Variants in ANKS1B observed in about 807,000 individuals in gnomAD.
ANKS1B encodes ankyrin repeat and sterile alpha motif domain containing 1B, also known as ankyrin repeat and sterile alpha motif domain-containing protein 1B.
In ANKS1B, 36 loss-of-function variants were observed where a neutral mutation model predicts 148.3. The observed-to-expected ratio is 0.24, with a 90% confidence interval of 0.19 to 0.32. The LOEUF (loss-of-function observed/expected upper bound fraction) is 0.32, where lower values mean the gene tolerates loss of function less well. Ranked by LOEUF, ANKS1B falls within the 10% of genes least tolerant of loss-of-function variation. ANKS1B has a pLI of 1.00. For synonymous variants in ANKS1B, 542 were observed against 560.8 expected (o/e 0.97, Z 0.47); for missense variants, 1,157 against 1,542.6 (o/e 0.75, Z 4.19).
intron 14 of ANKS1B, among the ~76,000 whole-genome samples, chr12:99,217,163 G>C (rs186011530): frequency 6.6e-6 from 1 of 151,938 alleles, no homozygotes; most frequent in Non-Finnish European, 1.5e-5. Context: ...TATTATTTTG[G>C]GCCTCTCTGT....
chr12:98,898,033 C>G (rs2099767244), intron 17 of ANKS1B, among the ~76,000 whole-genome samples: 1 of 152,070 alleles, frequency 6.6e-6, no homozygotes, highest in Non-Finnish European at 1.5e-5. Flanking sequence ...CAGAGGGAAA[C>G]AGTAGACACT....
intron 9 of ANKS1B, among the ~76,000 whole-genome samples, chr12:99,573,891 G>A (rs551614864): frequency 9.6e-4 from 145 of 151,354 alleles, no homozygotes; most frequent in Non-Finnish European, 1.2e-3. Context: ...TCAGGACTTC[G>A]CTACTCAAAA....
chr12:99,205,830 T>A (rs2082604679), intron 14 of ANKS1B, among the ~76,000 whole-genome samples: 1 of 151,974 alleles, frequency 6.6e-6, no homozygotes, highest in South Asian at 2.1e-4. Context: ...CTGCAGGGAG[T>A]CAGAACTCCA....
Position 99,776,224 on chromosome 12 carries a change from T to C in ANKS1B, c.848-563A>G, listed in dbSNP as rs376846123. ...TGCCATTATTCTTGAAGTAATGTCC[T>C]ATACTCAGCCTATTTTTCATTTTTC... On this transcript the variant is annotated intron_variant, in intron 6 of 26. Transcript: ENST00000683438. 8.6e-4 allele frequency among the ~76,000 whole-genome samples: 131 copies of C among 152,364 alleles called. 1 individual carries two copies. The highest frequency in any genetic ancestry group is 2.9e-3 in the African/African-American group (122 of 41,584).
chr12:99,064,708 A>C (rs551304371), intron 16 of ANKS1B, among the ~76,000 whole-genome samples: 5 of 152,338 alleles, frequency 3.3e-5, no homozygotes, highest in Admixed American at 1.3e-4. Flanking sequence ...CACTTGAGAA[A>C]TGCTATCTGC....
intron 17 of ANKS1B, among the ~76,000 whole-genome samples, chr12:98,868,363 G>A (rs545731902): frequency 5.9e-5 from 9 of 152,158 alleles, no homozygotes; most frequent in Non-Finnish European, 1.2e-4. Context: ...GCTGTCTGGA[G>A]GTGGAAGAAT....
rs1472455470 is a variant in ANKS1B at position 98,963,137 on chromosome 12, G to C, written c.2778+90020C>G. Among the ~76,000 whole-genome samples the C allele has an allele frequency of 3.3e-5, 5 of 151,428 alleles. 1 individual carries two copies. The highest frequency in any genetic ancestry group is 3.3e-4 in the Admixed American group (5 of 15,210). Reference sequence around the variant, plus strand: ...TTAAAATGGAGAAAACAATATGAAAGATCAATGAAACAAAAAGTTGGGTTT... The same window carrying C: ...TTAAAATGGAGAAAACAATATGAAACATCAATGAAACAAAAAGTTGGGTTT... On this transcript the variant is annotated intron_variant, in intron 17 of 26. Transcript: ENST00000683438.
chr12:98,837,161 C>T (rs1366558274), intron 17 of ANKS1B, among the ~76,000 whole-genome samples: 1 of 127,568 alleles, frequency 7.8e-6, no homozygotes, highest in Non-Finnish European at 1.7e-5. Flanking sequence ...GAAACCCCGT[C>T]TCTATTAAAA....
chr12:98,889,260 C>T (rs1455147150), intron 17 of ANKS1B, among the ~76,000 whole-genome samples: 1 of 152,048 alleles, frequency 6.6e-6, no homozygotes, highest in Non-Finnish European at 1.5e-5. Context: ...TTCAACTGAT[C>T]TAAATATGAA....
chr12:99,014,823 A>G (rs139091622), intron 17 of ANKS1B, among the ~76,000 whole-genome samples: 1 of 152,366 alleles, frequency 6.6e-6, no homozygotes, highest in East Asian at 1.9e-4. Context: ...ACAATAAGAT[A>G]CCATCTTACA....
At chr12:99,713,994 A>G (rs2153540430) in intron 8 of ANKS1B, among the ~76,000 whole-genome samples, 1 of 152,230 alleles carries the variant, frequency 6.6e-6, no homozygotes, top group South Asian at 2.1e-4. Context: ...CTTTTTCTGG[A>G]GGTTAGAAAT....
intron 22 of ANKS1B, among the ~76,000 whole-genome samples, chr12:98,784,551 T>A (rs2098771274): frequency 6.6e-6 from 1 of 152,024 alleles, no homozygotes; most frequent in African/African-American, 2.4e-5. Context: ...CAAGAAAAAA[T>A]TGTTGCTGAT....
intron 17 of ANKS1B, among the ~76,000 whole-genome samples, chr12:99,004,173 C>T (rs184868403): frequency 8.2e-4 from 125 of 152,294 alleles, no homozygotes; most frequent in Non-Finnish European, 1.1e-3. Flanking sequence ...GGAATGAACA[C>T]TAGGAACAAA....
At chr12:99,492,488 T>C (rs2096565069) in intron 10 of ANKS1B, among the ~76,000 whole-genome samples, 1 of 152,214 alleles carries the variant, frequency 6.6e-6, no homozygotes, top group Non-Finnish European at 1.5e-5. Flanking sequence ...GAAGAGCTGG[T>C]ACCATTTCTA....
At chr12:99,252,532 A>C (rs1216507127) in intron 12 of ANKS1B, among the ~76,000 whole-genome samples, 1 of 152,230 alleles carries the variant, frequency 6.6e-6, no homozygotes, top group African/African-American at 2.4e-5. Flanking sequence ...CATGGCCCCG[A>C]AACACAGAGG....
intron 15 of ANKS1B, among the ~76,000 whole-genome samples, chr12:99,143,515 T>C (rs1038454065): frequency 2.0e-5 from 3 of 152,120 alleles, no homozygotes; most frequent in African/African-American, 7.2e-5. Flanking sequence ...CTGAGTTTTC[T>C]TGTGGATAAA....
chr12:99,981,997 T>A (rs753456323), intron 1 of ANKS1B, among the ~76,000 whole-genome samples: 26 of 152,152 alleles, frequency 1.7e-4, no homozygotes, highest in Non-Finnish European at 3.1e-4. Flanking sequence ...TTCTTAGGAA[T>A]GTCATTTTAT....
chr12:98,864,833 C>A (rs759085715), intron 17 of ANKS1B, among the ~76,000 whole-genome samples: 4 of 152,158 alleles, frequency 2.6e-5, no homozygotes, highest in Non-Finnish European at 5.9e-5. Flanking sequence ...TCAGAACACA[C>A]GCTGTTTGGC....
rs931318263 is a variant in ANKS1B, at chr12:98,745,226, G to A, written c.*513C>T. On this transcript the variant is annotated 3_prime_UTR_variant, in exon 27 of 27. Transcript: ENST00000683438. ...TCCTGGCAATCATATCACGGGAGTT[G>A]TTTTTGTCCTTTTGCATTAAACGAT... 4 of 985,660 alleles carry A rather than the reference G, an allele frequency of 4.1e-6. No individual in the cohort carries two copies. In the African/African-American group the frequency reaches 7.0e-5, roughly 17 times the overall value. The allele number at this position is 985,660 out of a possible 1,614,324, so 61.1% of individuals were successfully genotyped here. A position where few individuals can be genotyped will look rare whatever the true frequency, so the allele number is the denominator to read the frequency against.
Sources: allele counts gnomAD v4.1 joint callset (sites outside exome capture counted in the v4.1 genomes callset), GRCh38; gene constraint gnomAD v4.1.1; transcripts MANE v1.5; gene names NCBI Gene and HGNC (gene_info 2026-07-23, HGNC 2026-07-21).